The following LRRC4C variants were observed in gnomAD, a reference collection of about 807,000 sequenced individuals.
LRRC4C encodes the protein leucine-rich repeat-containing protein 4C.
A neutral mutation model predicts 33.6 loss-of-function variants in LRRC4C; 5 were observed. That is an observed-to-expected ratio of 0.15 (90% CI 0.08 to 0.31). LRRC4C has a LOEUF of 0.31. LRRC4C is among the 10% of genes least tolerant of loss of function. The pLI, the probability that LRRC4C is intolerant of heterozygous loss-of-function variation, is 1.00. For missense variants in LRRC4C, 560 were observed against 796.7 expected, an observed-to-expected ratio of 0.70 and a Z score of 3.58; for synonymous variants, 329 against 302.0, an observed-to-expected ratio of 1.09 and a Z score of -0.93.
At chr11:41,030,227 G>A (rs1168880846) in intron 1 of LRRC4C, among the ~76,000 whole-genome samples, 2 of 151,838 alleles carry the variant, frequency 1.3e-5, no homozygotes, top group African/African-American at 2.4e-5. Context: ...AAAACAATGG[G>A]ACATATTTTC....
At chr11:40,507,037 G>A (rs1955068099) in intron 3 of LRRC4C, among the ~76,000 whole-genome samples, 1 of 151,836 alleles carries the variant, frequency 6.6e-6, no homozygotes, top group South Asian at 2.1e-4. Context: ...CAAGATGTGA[G>A]GCTGAAACAC....
chr11:41,228,323 C>T (rs1301304295), intron 1 of LRRC4C, among the ~76,000 whole-genome samples: 1 of 151,974 alleles, frequency 6.6e-6, no homozygotes, highest in Non-Finnish European at 1.5e-5. Flanking sequence ...CTAATTCTCA[C>T]TATTTTTATG....
intron 3 of LRRC4C, among the ~76,000 whole-genome samples, chr11:40,458,273 A>G (rs1415958342): frequency 1.3e-5 from 2 of 150,808 alleles, no homozygotes; most frequent in African/African-American, 5.0e-5. Context: ...GAAATGAACT[A>G]CTATCATATA....
rs765252333 is a variant in LRRC4C, at chr11:40,898,353, C to CAAAAAA, written c.-407+35276_-407+35281dup. Among the ~76,000 whole-genome samples, 93 of 38,364 alleles carry CAAAAAA rather than the reference C, an allele frequency of 2.4e-3. 4 individuals are homozygous for CAAAAAA. The highest frequency in any genetic ancestry group is 4.1e-3 in the African/African-American group (39 of 9,592). 25.2% of individuals were successfully genotyped at this position (38,364 alleles called of 152,430 possible). ...GGGCAACAAGAGTGAAACTCCATCT[C>CAAAAAA]AAAAAAAAAAAAAAAAAAAGAAAAA... On this transcript the variant is annotated intron_variant, in intron 2 of 6. Transcript: ENST00000528697.
chr11:40,915,795 C>T (rs1293182840), intron 2 of LRRC4C, among the ~76,000 whole-genome samples: 1 of 152,088 alleles, frequency 6.6e-6, no homozygotes, highest in Admixed American at 6.5e-5. Flanking sequence ...GCAATCTACT[C>T]ATCTGACAAA....
chr11:41,420,821 C>T (rs1209256791), intron 1 of LRRC4C, among the ~76,000 whole-genome samples: 1 of 151,954 alleles, frequency 6.6e-6, no homozygotes. Flanking sequence ...TTAACTAAAA[C>T]AGTAACATGA....
intron 1 of LRRC4C, among the ~76,000 whole-genome samples, chr11:40,934,608 G>A (rs1005539228): frequency 3.3e-5 from 5 of 151,710 alleles, no homozygotes; most frequent in Non-Finnish European, 5.9e-5. Context: ...CCAGAGCACC[G>A]TTCTCTCCAG....
At chr11:40,871,013 G>T (rs1170399782) in intron 2 of LRRC4C, among the ~76,000 whole-genome samples, 1 of 152,074 alleles carries the variant, frequency 6.6e-6, no homozygotes, top group Non-Finnish European at 1.5e-5. Flanking sequence ...CGGCGGGGCG[G>T]CCGTCTTTTA....
At chr11:40,136,497 C>T (rs1042040604) in intron 6 of LRRC4C, among the ~76,000 whole-genome samples, 1 of 150,282 alleles carries the variant, frequency 6.7e-6, no homozygotes, top group Non-Finnish European at 1.5e-5. Flanking sequence ...AGGAGGGTCT[C>T]GATCTCCTGA....
At chr11:41,444,492 A>G (rs1466255606) in intron 1 of LRRC4C, among the ~76,000 whole-genome samples, 1 of 152,184 alleles carries the variant, frequency 6.6e-6, no homozygotes, top group African/African-American at 2.4e-5. Flanking sequence ...GCTAGAACCA[A>G]TCCCTCATGG....
chr11:40,365,039 TCAC>T (rs1040343909), intron 3 of LRRC4C, among the ~76,000 whole-genome samples: 5 of 148,852 alleles, frequency 3.4e-5, no homozygotes, highest in African/African-American at 9.9e-5. Flanking sequence ...ACTATCATAA[TCAC>T]CACAAGAAAA....
chr11:40,912,703 C>A (rs1956757637), intron 2 of LRRC4C, among the ~76,000 whole-genome samples: 1 of 152,016 alleles, frequency 6.6e-6, no homozygotes, highest in South Asian at 2.1e-4. Context: ...ACAATATTAA[C>A]CTTAAATGTA....
intron 3 of LRRC4C, among the ~76,000 whole-genome samples, chr11:40,455,173 C>T (rs934824502): frequency 6.6e-6 from 1 of 152,048 alleles, no homozygotes; most frequent in Non-Finnish European, 1.5e-5. Context: ...TTGCCTGGGC[C>T]ATAAGGGAAA....
chr11:41,061,912 G>C (rs781269512), intron 1 of LRRC4C, among the ~76,000 whole-genome samples: 2 of 152,128 alleles, frequency 1.3e-5, no homozygotes, highest in Non-Finnish European at 2.9e-5. Context: ...CTAACACGGT[G>C]GGCAGCACAT....
intron 1 of LRRC4C, among the ~76,000 whole-genome samples, chr11:40,966,736 C>A (rs1851391346): frequency 6.6e-6 from 1 of 151,856 alleles, no homozygotes; most frequent in Non-Finnish European, 1.5e-5. Context: ...CCCTTAGAAA[C>A]CTCAGCTTCT....
chr11:41,370,633 A>C (rs1199315024), intron 1 of LRRC4C, among the ~76,000 whole-genome samples: 1 of 152,132 alleles, frequency 6.6e-6, no homozygotes, highest in African/African-American at 2.4e-5. Context: ...CTGTAAGTCC[A>C]ATTAAACTCC....
chr11:40,463,883 T>C (rs1422671828), intron 3 of LRRC4C, among the ~76,000 whole-genome samples: 3 of 152,032 alleles, frequency 2.0e-5, no homozygotes. Flanking sequence ...TATAGAAAAT[T>C]GTTCTAGGCA....
intron 1 of LRRC4C, among the ~76,000 whole-genome samples, chr11:40,938,089 T>A (rs1230408907): frequency 6.6e-6 from 1 of 152,196 alleles, no homozygotes; most frequent in Non-Finnish European, 1.5e-5. Context: ...GAAGCACTAC[T>A]GCTTGAAGTC....
intron 2 of LRRC4C, among the ~76,000 whole-genome samples, chr11:40,868,086 A>G (rs1163666157): frequency 6.6e-6 from 1 of 152,142 alleles, no homozygotes; most frequent in Middle Eastern, 3.2e-3. Flanking sequence ...TCTGGTTTTA[A>G]GAAAGCCTAT....
Sources: allele counts gnomAD v4.1 joint callset (sites outside exome capture counted in the v4.1 genomes callset), GRCh38; gene constraint gnomAD v4.1.1; transcripts MANE v1.5; gene names NCBI Gene and HGNC (gene_info 2026-07-23, HGNC 2026-07-21).